The following CLEC16A variants were observed in gnomAD, a reference collection of about 807,000 sequenced individuals.
CLEC16A encodes the protein protein CLEC16A.
A neutral mutation model predicts 109.5 loss-of-function variants in CLEC16A; 51 were observed. The ratio of observed to expected loss-of-function variants is 0.47; its 90% CI spans 0.37 to 0.59. CLEC16A has a LOEUF of 0.59. Among genes scored for constraint, CLEC16A ranks in the 20% least tolerant of loss-of-function variants. The probability of loss-of-function intolerance (pLI) is 0.00; values close to 1 mark genes in which losing one functional copy is unlikely to be tolerated. For synonymous variants in CLEC16A, 673 were observed against 564.2 expected, an observed-to-expected ratio of 1.19 and a Z score of -2.73; for missense variants, 1,339 against 1,394.0, an observed-to-expected ratio of 0.96 and a Z score of 0.63.
At chr16:11,022,937 C>G (rs2046202250) in intron 12 of CLEC16A, among the ~76,000 whole-genome samples, 1 of 148,212 alleles carries the variant, frequency 6.7e-6, no homozygotes, top group South Asian at 2.1e-4. Flanking sequence ...ATATATAGGC[C>G]TAAGAAACTT....
intron 22 of CLEC16A, among the ~76,000 whole-genome samples, chr16:11,142,713 G>C (rs2053892383): frequency 6.6e-6 from 1 of 152,238 alleles, no homozygotes; most frequent in Non-Finnish European, 1.5e-5. Context: ...AGTGATGTGA[G>C]TTTGGGACTT....
At chr16:11,097,207 GCCAAGTTGCCCT>G (rs1176266870) in intron 19 of CLEC16A, among the ~76,000 whole-genome samples, 4 of 152,196 alleles carry the variant, frequency 2.6e-5, no homozygotes, top group African/African-American at 7.2e-5. Context: ...TTTGCCAATT[GCCAAGTTGCCCT>G]CCAGGAAGGC....
chr16:11,054,162 T>A (rs1345336336), intron 18 of CLEC16A, among the ~76,000 whole-genome samples: 1 of 152,220 alleles, frequency 6.6e-6, no homozygotes, highest in South Asian at 2.1e-4. Flanking sequence ...GAACCTTGGC[T>A]GTCACCTCTT....
chr16:11,116,192 C>T (rs1050944697), intron 19 of CLEC16A, among the ~76,000 whole-genome samples: 3 of 151,428 alleles, frequency 2.0e-5, no homozygotes, highest in African/African-American at 7.3e-5. Context: ...GAGTTTGAGA[C>T]CAGCCTGGCC....
intron 10 of CLEC16A, among the ~76,000 whole-genome samples, chr16:10,996,709 G>C (rs910488077): frequency 2.6e-5 from 4 of 152,026 alleles, no homozygotes; most frequent in Non-Finnish European, 4.4e-5. Flanking sequence ...AATAAATGCA[G>C]GATTCACCAG....
Position 10,969,096 on chromosome 16 carries a change from G to C in CLEC16A, c.344-65G>C, listed in dbSNP as rs140377949. On this transcript the variant is annotated intron_variant, in intron 3 of 23. Coordinates refer to ENST00000409790, the MANE Select transcript of CLEC16A (RefSeq NM_015226.3). ...TTCAAGTACATTAACGTGGTCATCT[G>C]CTTGTTACCTGGCTTATCTTTCCTC... The C allele has an allele frequency of 3.6e-6, 5 of 1,392,474 alleles. No individual in the cohort carries two copies. The African/African-American group carries it at 7.3e-5, about 20-fold the overall frequency. The allele number at this position is 1,392,474 out of a possible 1,614,324, so 86.3% of individuals were successfully genotyped here.
chr16:11,102,026 T>A (rs1274569073), intron 19 of CLEC16A, among the ~76,000 whole-genome samples: 1 of 151,162 alleles, frequency 6.6e-6, no homozygotes, highest in Admixed American at 6.6e-5. Flanking sequence ...TTGCCTAGGC[T>A]GGTCTCAAAC....
chr16:11,034,792 A>T (rs1345510539), intron 13 of CLEC16A, among the ~76,000 whole-genome samples: 1 of 152,216 alleles, frequency 6.6e-6, no homozygotes, highest in East Asian at 1.9e-4. Context: ...ATAATATATT[A>T]TCCACAGTGT....
chr16:11,171,112 G>C (rs1397222401), intron 23 of CLEC16A, among the ~76,000 whole-genome samples: 1 of 152,226 alleles, frequency 6.6e-6, no homozygotes, highest in Non-Finnish European at 1.5e-5. Context: ...GCCGTGGGCA[G>C]GGGGGAGGAC....
At chr16:10,958,820 C>T (rs1239419713) in intron 2 of CLEC16A, among the ~76,000 whole-genome samples, 1 of 152,122 alleles carries the variant, frequency 6.6e-6, no homozygotes, top group East Asian at 1.9e-4. Context: ...GGGAGGATTG[C>T]CTGAGCCCAG....
At position 11,099,456 on chromosome 16, in the gene CLEC16A, G is replaced by A. The variant is rs74009909; in HGVS notation, c.2117-21159G>A. 5.0e-3 allele frequency among the ~76,000 whole-genome samples: 762 copies of A among 152,378 alleles called. 7 individuals carry two copies. The highest frequency in any genetic ancestry group is 0.018 in the African/African-American group (735 of 41,586). On this transcript the variant is annotated intron_variant, in intron 19 of 23. Coordinates refer to ENST00000409790, the MANE Select transcript of CLEC16A (RefSeq NM_015226.3). Reference sequence around the variant, plus strand: ...GACAACGGAAAAAGGATATTTAATTGTATTTAATTTTAATTGAAATGCAAA... The same window carrying A: ...GACAACGGAAAAAGGATATTTAATTATATTTAATTTTAATTGAAATGCAAA...
chr16:11,039,303 G>A (rs767595596), intron 13 of CLEC16A, among the ~76,000 whole-genome samples: 18 of 152,250 alleles, frequency 1.2e-4, no homozygotes, highest in South Asian at 4.1e-4. Context: ...TGGCTAGCAT[G>A]CAAAAACATT....
intron 18 of CLEC16A, among the ~76,000 whole-genome samples, chr16:11,056,009 A>G (rs571801535): frequency 3.0e-4 from 46 of 152,316 alleles, no homozygotes; most frequent in African/African-American, 1.1e-3. Flanking sequence ...ATAATATAAA[A>G]TAAGACCAAA....
At chr16:11,028,047 A>G (rs2046520353) in intron 13 of CLEC16A, among the ~76,000 whole-genome samples, 1 of 152,212 alleles carries the variant, frequency 6.6e-6, no homozygotes, top group African/African-American at 2.4e-5. Context: ...CTAAAAATAA[A>G]AAATTAGCCG....
intron 17 of CLEC16A, chr16:11,047,953 A>G (rs1399428733): frequency 2.0e-5 from 3 of 152,278 alleles, no homozygotes; most frequent in Non-Finnish European, 2.9e-5. Flanking sequence ...CACTATCATG[A>G]GAACAGTATA....
chr16:11,068,261 C>G (rs1274836633), intron 19 of CLEC16A, among the ~76,000 whole-genome samples: 1 of 152,208 alleles, frequency 6.6e-6, no homozygotes, highest in East Asian at 1.9e-4. Context: ...ATAGAGGTTG[C>G]AAACAGCTGG....
intron 10 of CLEC16A, among the ~76,000 whole-genome samples, chr16:10,990,096 T>C (rs1245652933): frequency 6.6e-6 from 1 of 152,202 alleles, no homozygotes; most frequent in Non-Finnish European, 1.5e-5. Context: ...AGGTTGATTG[T>C]GAATATCAAA....
intron 3 of CLEC16A, 86 bp downstream of exon 3, chr16:10,962,674 C>T (rs1464628286): frequency 1.4e-6 from 2 of 1,437,574 alleles, no homozygotes; most frequent in Non-Finnish European, 1.9e-6. Flanking sequence ...TCTGCGCTTA[C>T]TATTCGTCGG....
intron 22 of CLEC16A, chr16:11,135,931 A>G (rs562941168): frequency 3.9e-5 from 6 of 152,526 alleles, no homozygotes; most frequent in Admixed American, 2.6e-4. Flanking sequence ...CATCTAGTGC[A>G]TAACAGAAAA....
Sources: allele counts gnomAD v4.1 joint callset (sites outside exome capture counted in the v4.1 genomes callset), GRCh38; gene constraint gnomAD v4.1.1; transcripts MANE v1.5; gene names NCBI Gene and HGNC (gene_info 2026-07-23, HGNC 2026-07-21).